TRABD2B: variants seen among roughly 807,000 people sequenced by gnomAD.
TRABD2B encodes the protein metalloprotease TIKI2.
In TRABD2B, 14 loss-of-function variants were observed where a neutral mutation model predicts 40.1. The ratio of observed to expected loss-of-function variants is 0.35; its 90% CI spans 0.23 to 0.55. The LOEUF is 0.55. Ranked by LOEUF, TRABD2B falls within the 20% of genes least tolerant of loss-of-function variation. The pLI is 0.90. For synonymous variants in TRABD2B, 263 were observed against 277.0 expected, an observed-to-expected ratio of 0.95 and a Z score of 0.50; for missense variants, 541 against 648.6, an observed-to-expected ratio of 0.83 and a Z score of 1.80.
chr1:47,817,004 T>C (rs1645041755), intron 2 of TRABD2B, among the ~76,000 whole-genome samples: 1 of 152,158 alleles, frequency 6.6e-6, no homozygotes, highest in Non-Finnish European at 1.5e-5. Flanking sequence ...GTGGGGGCTA[T>C]GTCAGCTTTA....
At chr1:47,894,178 AT>A (rs1379041558) in intron 2 of TRABD2B, among the ~76,000 whole-genome samples, 4 of 152,138 alleles carry the variant, frequency 2.6e-5, no homozygotes, top group Non-Finnish European at 5.9e-5. Flanking sequence ...GCCTACAATA[AT>A]ACTTAGGACT....
intron 2 of TRABD2B, among the ~76,000 whole-genome samples, chr1:47,864,572 G>T (rs1644027543): frequency 6.6e-6 from 1 of 152,138 alleles, no homozygotes; most frequent in African/African-American, 2.4e-5. Flanking sequence ...GATATCTGTG[G>T]CCTTTTCCAG....
At chr1:47,937,675 G>A (rs1450993369) in intron 2 of TRABD2B, among the ~76,000 whole-genome samples, 2 of 151,926 alleles carry the variant, frequency 1.3e-5, no homozygotes, top group African/African-American at 2.4e-5. Flanking sequence ...TCACAGGTAA[G>A]AGACCCAAGA....
intron 4 of TRABD2B, among the ~76,000 whole-genome samples, chr1:47,790,363 T>C (rs571381235): frequency 6.6e-6 from 1 of 152,280 alleles, no homozygotes; most frequent in East Asian, 1.9e-4. Context: ...CATCTGGGCT[T>C]GCACACTGGC....
intron 2 of TRABD2B, among the ~76,000 whole-genome samples, chr1:47,888,230 C>T (rs1210451426): frequency 6.6e-6 from 1 of 152,230 alleles, no homozygotes; most frequent in Non-Finnish European, 1.5e-5. Context: ...AAGGCAGCCT[C>T]CAGCAGCAAA....
chr1:47,842,927 G>C (rs1645418387), intron 2 of TRABD2B, among the ~76,000 whole-genome samples: 1 of 152,152 alleles, frequency 6.6e-6, no homozygotes, highest in Non-Finnish European at 1.5e-5. Flanking sequence ...CACTGGGATG[G>C]GGATGTTGGA....
chr1:47,940,451 C>T (rs986221014), intron 2 of TRABD2B, among the ~76,000 whole-genome samples: 8 of 152,126 alleles, frequency 5.3e-5, no homozygotes, highest in Admixed American at 1.3e-4. Context: ...AAAACTGAGG[C>T]GCAGAGACAG....
At chr1:47,848,839 G>A (rs1645507898) in intron 2 of TRABD2B, among the ~76,000 whole-genome samples, 2 of 152,204 alleles carry the variant, frequency 1.3e-5, no homozygotes, top group South Asian at 4.1e-4. Context: ...TGTGTCCCCA[G>A]GAGAAAAGAA....
chr1:47,965,021 C>CT (rs1223395368), intron 2 of TRABD2B, among the ~76,000 whole-genome samples: 5 of 151,844 alleles, frequency 3.3e-5, no homozygotes, highest in Non-Finnish European at 7.4e-5. Flanking sequence ...AAGAATAAGT[C>CT]TTTTTTGTTT....
intron 2 of TRABD2B, among the ~76,000 whole-genome samples, chr1:47,891,841 A>C (rs1020918371): frequency 6.6e-6 from 1 of 152,056 alleles, no homozygotes. Flanking sequence ...CAACAAGAAA[A>C]AACAAAAATG....
intron 2 of TRABD2B, among the ~76,000 whole-genome samples, chr1:47,881,154 C>T (rs2124624653): frequency 6.6e-6 from 1 of 152,288 alleles, no homozygotes; most frequent in Non-Finnish European, 1.5e-5. Flanking sequence ...TGGTCCCATG[C>T]CCATGATCAA....
chr1:47,978,562 T>G (rs574935170), intron 2 of TRABD2B, among the ~76,000 whole-genome samples: 1 of 152,126 alleles, frequency 6.6e-6, no homozygotes, highest in Non-Finnish European at 1.5e-5. Flanking sequence ...AAGATGAAAA[T>G]GCAGAATTTA....
At chr1:47,965,203 GGGGGGGGT>G (rs1645581922) in intron 2 of TRABD2B, among the ~76,000 whole-genome samples, 1 of 102,830 alleles carries the variant, frequency 9.7e-6, no homozygotes, top group African/African-American at 3.9e-5. Flanking sequence ...GCGGGGGGCG[GGGGGGGGT>G]GGAGGGGGGG....
chr1:47,924,995 T>G (rs531924010), intron 2 of TRABD2B, among the ~76,000 whole-genome samples: 3 of 152,232 alleles, frequency 2.0e-5, no homozygotes, highest in Admixed American at 2.0e-4. Flanking sequence ...TGACCCCCAA[T>G]GGCTTTGATT....
chr1:47,927,930 C>T (rs996257771), intron 2 of TRABD2B, among the ~76,000 whole-genome samples: 1 of 152,224 alleles, frequency 6.6e-6, no homozygotes, highest in Non-Finnish European at 1.5e-5. Flanking sequence ...GAGGGTTAAG[C>T]CCTTCGTATT....
At chr1:47,766,347 A>C (rs1644303178) in intron 6 of TRABD2B, among the ~76,000 whole-genome samples, 1 of 152,150 alleles carries the variant, frequency 6.6e-6, no homozygotes, top group South Asian at 2.1e-4. Flanking sequence ...TGGCAGCCAC[A>C]GGTTGTCACA....
intron 2 of TRABD2B, among the ~76,000 whole-genome samples, chr1:47,869,162 G>A (rs868589834): frequency 6.6e-6 from 1 of 152,030 alleles, no homozygotes; most frequent in South Asian, 2.1e-4. Flanking sequence ...CACCTTGAGG[G>A]TAGGAACTGT....
At chr1:47,865,243 C>G (rs1644038703) in intron 2 of TRABD2B, among the ~76,000 whole-genome samples, 1 of 152,160 alleles carries the variant, frequency 6.6e-6, no homozygotes, top group Non-Finnish European at 1.5e-5. Context: ...CCGCTTGCAG[C>G]TGGGACCAGG....
intron 2 of TRABD2B, among the ~76,000 whole-genome samples, chr1:47,909,418 G>C (rs984832527): frequency 9.9e-5 from 15 of 151,116 alleles, no homozygotes; most frequent in Non-Finnish European, 2.2e-4. Context: ...GAGAGACAGA[G>C]AGAAGGGGAG....
Sources: gnomAD v4.1 joint callset for allele counts (sites outside exome capture counted in the v4.1 genomes callset) on GRCh38, gnomAD v4.1.1 for gene constraint, MANE v1.5 for transcripts, NCBI Gene and HGNC (gene_info 2026-07-23, HGNC 2026-07-21) for gene names.